The following TRPM3 variants were observed in gnomAD, a reference collection of about 807,000 sequenced individuals.
TRPM3 encodes the protein long transient receptor potential channel 3.
A neutral mutation model predicts 181.2 loss-of-function variants in TRPM3; 77 were observed. The ratio of observed to expected loss-of-function variants is 0.42; its 90% CI spans 0.35 to 0.51. TRPM3 has a LOEUF of 0.51. Ranked by LOEUF, TRPM3 falls within the 20% of genes least tolerant of loss-of-function variation. The pLI is 0.01. For missense variants in TRPM3, 1,759 were observed against 2,196.7 expected, an observed-to-expected ratio of 0.80 and a Z score of 3.98; for synonymous variants, 745 against 796.4, an observed-to-expected ratio of 0.94 and a Z score of 1.09.
At position 71,121,554 on chromosome 9, in the gene TRPM3, T is replaced by C. The variant is rs886117989; in HGVS notation, c.-200A>G. The C allele has an allele frequency of 4.3e-6, 6 of 1,380,828 alleles. No homozygotes were observed. In the East Asian group the frequency reaches 1.6e-4, roughly 37 times the overall value. 85.5% of individuals were successfully genotyped at this position (1,380,828 alleles called of 1,614,324 possible). The stretch of plus-strand genomic sequence containing the variant: ...GCTGCTTCGGGGAGGGGATGCACGA[T>C]TTTGAAGAAGAGGGACAGCCTGCAC... On this transcript the variant is annotated 5_prime_UTR_variant, in exon 1 of 26. Transcript: ENST00000677713.
At position 71,006,609 on chromosome 9, in the gene TRPM3, C is replaced by A. The variant is rs376345741; in HGVS notation, c.177+114569G>T. On this transcript the variant is annotated intron_variant, in intron 1 of 25. Transcript: ENST00000677713. Reference sequence around the variant, plus strand: ...TTTAAGCCGGGTATGGTGGCTCACGCCTGTAATCTCAGCACTTTGGGAGGC... The same window carrying A: ...TTTAAGCCGGGTATGGTGGCTCACGACTGTAATCTCAGCACTTTGGGAGGC... Among the ~76,000 whole-genome samples the A allele has an allele frequency of 7.2e-5, 11 of 152,262 alleles. No homozygotes were observed. The East Asian group carries it at 1.5e-3, about 21-fold the overall frequency.
At chr9:70,573,998 A>G (rs2053188076) in intron 22 of TRPM3, among the ~76,000 whole-genome samples, 2 of 120,806 alleles carry the variant, frequency 1.7e-5, no homozygotes, top group South Asian at 2.8e-4. Context: ...ACACACACAC[A>G]CACACACACA....
At chr9:71,355,963 T>C (rs2132696038) in intron 1 of TRPM3, among the ~76,000 whole-genome samples, 1 of 152,290 alleles carries the variant, frequency 6.6e-6, no homozygotes, top group South Asian at 2.1e-4. Flanking sequence ...CCATTACACT[T>C]AGAAAAAGCA....
intron 1 of TRPM3, among the ~76,000 whole-genome samples, chr9:71,178,774 G>A (rs1021881634): frequency 1.1e-4 from 16 of 152,086 alleles, no homozygotes; most frequent in African/African-American, 3.1e-4. Flanking sequence ...TAAACGTGAC[G>A]CACAAATGTT....
chr9:71,060,805 A>G (rs975490802), intron 1 of TRPM3, among the ~76,000 whole-genome samples: 8 of 152,144 alleles, frequency 5.3e-5, no homozygotes, highest in African/African-American at 1.9e-4. Flanking sequence ...GACCACAGGT[A>G]CTAGTCATCT....
At chr9:70,965,368 C>T (rs183714324) in intron 1 of TRPM3, among the ~76,000 whole-genome samples, 58 of 152,180 alleles carry the variant, frequency 3.8e-4, no homozygotes, top group African/African-American at 1.2e-3. Flanking sequence ...TTTATCCCCC[C>T]CTTTTTGAAC....
At chr9:71,076,181 G>A (rs1477076604) in intron 1 of TRPM3, among the ~76,000 whole-genome samples, 1 of 152,174 alleles carries the variant, frequency 6.6e-6, no homozygotes, top group Non-Finnish European at 1.5e-5. Flanking sequence ...TCAGTTTTCG[G>A]AAATTTTGCA....
chr9:71,348,786 G>C (rs1313002937), intron 1 of TRPM3, among the ~76,000 whole-genome samples: 1 of 151,878 alleles, frequency 6.6e-6, no homozygotes, highest in Non-Finnish European at 1.5e-5. Context: ...GGCCAGGCTG[G>C]TCTCAAACTC....
intron 1 of TRPM3, among the ~76,000 whole-genome samples, chr9:71,245,687 A>G (rs2081997088): frequency 6.6e-6 from 1 of 152,206 alleles, no homozygotes; most frequent in Non-Finnish European, 1.5e-5. Flanking sequence ...GAGAAGTTGA[A>G]TGAACAGGAA....
At chr9:71,208,626 C>G (rs2079276972) in intron 1 of TRPM3, among the ~76,000 whole-genome samples, 2 of 152,096 alleles carry the variant, frequency 1.3e-5, no homozygotes, top group African/African-American at 4.8e-5. Flanking sequence ...AATAAAATAT[C>G]CTACTTGCAT....
chr9:71,333,642 T>C (rs2090366563), intron 1 of TRPM3, among the ~76,000 whole-genome samples: 7 of 152,018 alleles, frequency 4.6e-5, no homozygotes. Flanking sequence ...GAAATAGTCC[T>C]CTTCCAGCAG....
At chr9:71,034,969 T>A (rs1010909372) in intron 1 of TRPM3, among the ~76,000 whole-genome samples, 2 of 152,098 alleles carry the variant, frequency 1.3e-5, no homozygotes, top group Admixed American at 1.3e-4. Context: ...TATATAATTT[T>A]TTTTTGCTAC....
At chr9:70,950,621 T>C (rs1026757669) in intron 1 of TRPM3, among the ~76,000 whole-genome samples, 4 of 152,140 alleles carry the variant, frequency 2.6e-5, no homozygotes, top group Non-Finnish European at 5.9e-5. Context: ...CCACAGTGAA[T>C]GGGCAGAGAC....
intron 5 of TRPM3, among the ~76,000 whole-genome samples, chr9:70,828,902 C>G (rs1277405072): frequency 2.0e-5 from 3 of 152,122 alleles, no homozygotes; most frequent in African/African-American, 7.2e-5. Flanking sequence ...ATACCCAGGA[C>G]TGCCTGATTC....
chr9:70,797,943 C>A (rs1018826345), intron 6 of TRPM3, among the ~76,000 whole-genome samples: 1 of 152,258 alleles, frequency 6.6e-6, no homozygotes, highest in Non-Finnish European at 1.5e-5. Context: ...AAAGTCCCAT[C>A]TGTTCACTTG....
chr9:70,913,077 A>G (rs994113807), intron 1 of TRPM3, among the ~76,000 whole-genome samples: 3 of 152,218 alleles, frequency 2.0e-5, no homozygotes, highest in Admixed American at 6.5e-5. Flanking sequence ...AATGTAGAAC[A>G]GGGCTTGTAT....
At position 71,163,224 on chromosome 9, in the gene TRPM3, T is replaced by C. The variant is rs1185065714; in HGVS notation, c.183+283429A>G. 2.6e-5 allele frequency among the ~76,000 whole-genome samples: 4 copies of C among 151,886 alleles called. 1 individual carries two copies. Among genetic ancestry groups the C allele is most frequent in the Non-Finnish European group, 5.9e-5 (4 of 67,978 alleles). On this transcript the variant is annotated intron_variant, in intron 1 of 24. Transcript: ENST00000357533. The stretch of plus-strand genomic sequence containing the variant: ...AAGAATAGATTGGGAAGTGGTGAGA[T>C]TGCAAAGAACATAATCACTCAGGAG...
intron 6 of TRPM3, among the ~76,000 whole-genome samples, chr9:70,784,936 A>G (rs1385982127): frequency 1.3e-5 from 2 of 152,182 alleles, no homozygotes; most frequent in Admixed American, 1.3e-4. Flanking sequence ...ATCTCAGCAC[A>G]CTGCAACTTC....
chr9:70,783,971 CATTTTTTAGACA>C, intron 7 of TRPM3, 122 bp downstream of exon 7: 1 of 1,453,800 alleles, frequency 6.9e-7, no homozygotes. Context: ...CCATGACAGA[CATTTTTTAGACA>C]ATTTGTTCAT....
Sources: allele counts gnomAD v4.1 joint callset (sites outside exome capture counted in the v4.1 genomes callset), GRCh38; gene constraint gnomAD v4.1.1; transcripts MANE v1.5; gene names NCBI Gene and HGNC (gene_info 2026-07-23, HGNC 2026-07-21).